RAPGEF5: variants seen among roughly 807,000 people sequenced by gnomAD.
The protein encoded by RAPGEF5 is Rap guanine nucleotide exchange factor 5.
Under a neutral mutation model 125.2 loss-of-function variants are expected in RAPGEF5, and 65 were observed. The observed-to-expected ratio is 0.52, with a 90% CI of 0.43 to 0.64. The LOEUF is 0.64. RAPGEF5 is among the 30% of genes least tolerant of loss of function. RAPGEF5 has a pLI of 0.00. For synonymous variants in RAPGEF5, 391 were observed against 385.9 expected (o/e 1.01, Z -0.16); for missense variants, 958 against 1,048.1 (o/e 0.91, Z 1.19).
chr7:22,232,894 G>C (rs1170437895), intron 7 of RAPGEF5, among the ~76,000 whole-genome samples: 1 of 152,274 alleles, frequency 6.6e-6, no homozygotes, highest in African/African-American at 2.4e-5. Flanking sequence ...AAATTCTTCT[G>C]TTCACGCTTT....
Position 22,356,824 on chromosome 7 carries a change from A to G in RAPGEF5, c.231+6T>C. The G allele has an allele frequency of 8.6e-7, 1 of 1,160,010 alleles. No individual in the cohort carries two copies. The highest frequency in any genetic ancestry group is 4.3e-5 in the South Asian group (1 of 23,508). The allele number at this position is 1,160,010 out of a possible 1,614,324, so 71.9% of individuals were successfully genotyped here. ...GTGCCCACTCGGACAGGGCCGGGCC[A>G]CTCACCCGGCCCCCAGCGGCGCTCC... On this transcript the variant is annotated splice_donor_region_variant and intron_variant, in intron 1 of 25. Coordinates refer to ENST00000665637, the MANE Select transcript of RAPGEF5 (RefSeq NM_012294.5).
chr7:22,164,814 T>A (rs923999617), intron 12 of RAPGEF5, among the ~76,000 whole-genome samples: 1 of 152,216 alleles, frequency 6.6e-6, no homozygotes, highest in African/African-American at 2.4e-5. Flanking sequence ...CTCAGAGCTA[T>A]GAATTTAATG....
intron 9 of RAPGEF5, among the ~76,000 whole-genome samples, chr7:22,197,535 T>C (rs1785174575): frequency 6.6e-6 from 1 of 152,210 alleles, no homozygotes; most frequent in Admixed American, 6.5e-5. Context: ...CTAACTCTTA[T>C]TTATCCCACA....
intron 5 of RAPGEF5, among the ~76,000 whole-genome samples, chr7:22,302,656 G>A (rs921255923): frequency 5.3e-5 from 8 of 152,092 alleles, no homozygotes; most frequent in African/African-American, 1.9e-4. Context: ...TTGAGAAACA[G>A]GGAGAAATAC....
intron 11 of RAPGEF5, among the ~76,000 whole-genome samples, chr7:22,175,514 G>T (rs146509559): frequency 6.6e-6 from 1 of 152,252 alleles, no homozygotes; most frequent in East Asian, 1.9e-4. Flanking sequence ...GTACAGATTA[G>T]AATGTGGGAA....
chr7:22,148,785 C>G (rs1783525657), intron 18 of RAPGEF5, among the ~76,000 whole-genome samples: 1 of 152,138 alleles, frequency 6.6e-6, no homozygotes, highest in Non-Finnish European at 1.5e-5. Flanking sequence ...CCTGAGAAGG[C>G]CACGTATGGG....
At chr7:22,157,945 T>C in intron 14 of RAPGEF5, 60 bp from the exon 15 acceptor site, 1 of 1,515,648 alleles carries the variant, frequency 6.6e-7, no homozygotes, top group South Asian at 1.2e-5. Context: ...ATGCAGTTAT[T>C]GTTACGGAAG....
intron 6 of RAPGEF5, among the ~76,000 whole-genome samples, chr7:22,273,276 T>C (rs1343520570): frequency 7.0e-6 from 1 of 143,390 alleles, no homozygotes; most frequent in Admixed American, 7.3e-5. Flanking sequence ...TTGAGTGCAG[T>C]GGCGCAATCT....
intron 25 of RAPGEF5, among the ~76,000 whole-genome samples, chr7:22,124,002 G>A (rs1046903931): frequency 2.6e-5 from 4 of 152,158 alleles, no homozygotes; most frequent in Non-Finnish European, 5.9e-5. Flanking sequence ...GGATAATTCA[G>A]TTCCCAAACC....
chr7:22,233,290 T>C (rs1183107392), intron 7 of RAPGEF5, among the ~76,000 whole-genome samples: 1 of 152,208 alleles, frequency 6.6e-6, no homozygotes, highest in Non-Finnish European at 1.5e-5. Flanking sequence ...TAATGTGAAA[T>C]AACTTCACAT....
chr7:22,160,470 G>A (rs1783950980), intron 14 of RAPGEF5, 48 bp downstream of exon 14: 1 of 1,501,892 alleles, frequency 6.7e-7, no homozygotes, highest in Admixed American at 2.1e-5. Context: ...TATCATATTT[G>A]CTGCTGTTTT....
intron 9 of RAPGEF5, among the ~76,000 whole-genome samples, chr7:22,203,724 T>C (rs1176305247): frequency 6.6e-6 from 1 of 152,162 alleles, no homozygotes; most frequent in African/African-American, 2.4e-5. Flanking sequence ...CTGAGATTTT[T>C]TGAGCCACTT....
At chr7:22,351,833 G>C (rs182603453) in intron 1 of RAPGEF5, among the ~76,000 whole-genome samples, 1 of 152,274 alleles carries the variant, frequency 6.6e-6, no homozygotes. Context: ...AGCAGAGGAG[G>C]GTATTGAGTC....
intron 3 of RAPGEF5, among the ~76,000 whole-genome samples, chr7:22,314,833 TC>T (rs1361549938): frequency 9.9e-5 from 15 of 152,148 alleles, no homozygotes; most frequent in African/African-American, 3.6e-4. Flanking sequence ...ATGCCCTTGG[TC>T]CAGCTGTACT....
intron 6 of RAPGEF5, among the ~76,000 whole-genome samples, chr7:22,272,626 A>C (rs188998999): frequency 3.3e-5 from 5 of 152,294 alleles, no homozygotes; most frequent in African/African-American, 1.2e-4. Context: ...ACATAATCTA[A>C]TATTCTTCCA....
intron 1 of RAPGEF5, among the ~76,000 whole-genome samples, chr7:22,324,407 C>G (rs748702377): frequency 4.6e-5 from 7 of 152,144 alleles, no homozygotes; most frequent in Non-Finnish European, 1.0e-4. Context: ...GAATAAGGAA[C>G]TTAGCAGGAC....
intron 23 of RAPGEF5, 23 bp downstream of exon 23, chr7:22,136,015 C>T (rs1562708369): frequency 1.3e-6 from 2 of 1,542,306 alleles, no homozygotes; most frequent in Non-Finnish European, 8.9e-7. Flanking sequence ...AATTACATGG[C>T]ATAAAAGATA....
chr7:22,246,825 T>G (rs1032496953), intron 7 of RAPGEF5, among the ~76,000 whole-genome samples: 1 of 152,118 alleles, frequency 6.6e-6, no homozygotes, highest in African/African-American at 2.4e-5. Context: ...TTGCAAACAG[T>G]GCATCTGACA....
At chr7:22,214,122 G>A (rs746838088) in intron 9 of RAPGEF5, among the ~76,000 whole-genome samples, 2 of 152,162 alleles carry the variant, frequency 1.3e-5, no homozygotes, top group Non-Finnish European at 2.9e-5. Flanking sequence ...TCCAGGATGA[G>A]GCTGCAGGAA....
Sources: gnomAD v4.1 joint callset for allele counts (sites outside exome capture counted in the v4.1 genomes callset) on GRCh38, gnomAD v4.1.1 for gene constraint, MANE v1.5 for transcripts, NCBI Gene and HGNC (gene_info 2026-07-23, HGNC 2026-07-21) for gene names.